Variants in USH2A observed in about 807,000 individuals in gnomAD.
The protein encoded by USH2A is Usher syndrome 2A (autosomal recessive, mild).
Under a neutral mutation model 538.9 loss-of-function variants are expected in USH2A, and 443 were observed. That is an observed-to-expected ratio of 0.82 (90% CI 0.76 to 0.89). The LOEUF is 0.89. Ranked by LOEUF, USH2A falls within the 40% of genes least tolerant of loss-of-function variation. The pLI is 0.00. For synonymous variants in USH2A, 2,413 were observed against 2,273.5 expected, an observed-to-expected ratio of 1.06 and a Z score of -1.75; for missense variants, 6,633 against 6,324.8, an observed-to-expected ratio of 1.05 and a Z score of -1.65.
chr1:215,682,319 G>C (rs999907350), intron 61 of USH2A, among the ~76,000 whole-genome samples: 1 of 152,206 alleles, frequency 6.6e-6, no homozygotes, highest in African/African-American at 2.4e-5. Flanking sequence ...TAAGAAACAT[G>C]AAAAGCATGT....
At chr1:215,791,429 C>T (rs1351845358) in intron 50 of USH2A, among the ~76,000 whole-genome samples, 2 of 152,018 alleles carry the variant, frequency 1.3e-5, no homozygotes, top group Non-Finnish European at 2.9e-5. Context: ...ATCAAAAGTG[C>T]TTTTAAAAAA....
rs1350455774 is a variant in USH2A at position 215,704,058 on chromosome 1, G to A, written c.12067-23682C>T. Among the ~76,000 whole-genome samples, 3 of 152,218 alleles carry A rather than the reference G, an allele frequency of 2.0e-5. No individual in the cohort carries two copies. The East Asian group carries it at 5.8e-4, about 29-fold the overall frequency. ...GCACAGTCCCTCAAGGCTTCCTTTGGCTAGGGGAGGGAGTTCCCCGACCCC... is the reference window on the plus strand; with the variant it reads ...GCACAGTCCCTCAAGGCTTCCTTTGACTAGGGGAGGGAGTTCCCCGACCCC... On this transcript the variant is annotated intron_variant, in intron 61 of 71. Transcript: ENST00000307340.
intron 55 of USH2A, among the ~76,000 whole-genome samples, chr1:215,771,008 T>C (rs1355164971): frequency 1.4e-5 from 2 of 146,590 alleles, no homozygotes; most frequent in East Asian, 2.0e-4. Context: ...ATGCCTGTAG[T>C]CCCAGCTGTT....
chr1:216,210,886 C>T (rs559241609), intron 15 of USH2A, among the ~76,000 whole-genome samples: 58 of 151,988 alleles, frequency 3.8e-4, no homozygotes, highest in Non-Finnish European at 5.6e-4. Flanking sequence ...CAGGCTCAGG[C>T]GGAAGAATCG....
chr1:216,114,330 A>G (rs1420408832), intron 21 of USH2A, among the ~76,000 whole-genome samples: 1 of 152,018 alleles, frequency 6.6e-6, no homozygotes, highest in Non-Finnish European at 1.5e-5. Context: ...TTCAACAGCC[A>G]TAATTCTTTT....
At chr1:215,722,649 G>A (rs527361551) in intron 61 of USH2A, among the ~76,000 whole-genome samples, 10 of 152,304 alleles carry the variant, frequency 6.6e-5, no homozygotes, top group African/African-American at 2.4e-4. Context: ...AGAAACTAGA[G>A]TTAGTAATTC....
intron 3 of USH2A, among the ~76,000 whole-genome samples, chr1:216,378,367 C>T (rs1013520171): frequency 6.6e-6 from 1 of 152,160 alleles, no homozygotes; most frequent in Admixed American, 6.5e-5. Flanking sequence ...ATTAGCATCA[C>T]TTCCATTCTA....
chr1:215,660,458 T>C (rs993896198), intron 64 of USH2A, among the ~76,000 whole-genome samples: 1 of 152,164 alleles, frequency 6.6e-6, no homozygotes, highest in Non-Finnish European at 1.5e-5. Flanking sequence ...TCCAGTTAGT[T>C]GTTACACATT....
chr1:216,370,677 C>CAAAAAAAAAAAAAAAAAAAAAAAA (rs58845914), intron 3 of USH2A, among the ~76,000 whole-genome samples: 2 of 30,000 alleles, frequency 6.7e-5, no homozygotes, highest in African/African-American at 2.2e-4. Context: ...GACTCTGTCT[C>CAAAAAAAAAAAAAAAAAAAAAAAA]AAAAAAAAAA....
intron 20 of USH2A, among the ~76,000 whole-genome samples, chr1:216,187,908 G>A (rs372608272): frequency 1.3e-5 from 2 of 152,028 alleles, no homozygotes; most frequent in South Asian, 2.1e-4. Context: ...GGCAGAGCCC[G>A]GATTGAAACC....
rs1256669126 is a variant in USH2A at position 216,258,260 on chromosome 1, C to A, written c.1972-7162G>T. Among the ~76,000 whole-genome samples the A allele has an allele frequency of 2.0e-5, 3 of 152,050 alleles. No homozygotes were observed. In the South Asian group the frequency reaches 6.2e-4, roughly 31 times the overall value. ...AGGTGGTATTGAAGTAGTTATCAGC[C>A]TAGGGCTATTCTCCACTGTTGAGGC... On this transcript the variant is annotated intron_variant, in intron 11 of 71. Coordinates refer to ENST00000307340, the MANE Select transcript of USH2A (RefSeq NM_206933.4).
chr1:215,671,413 T>A, intron 63 of USH2A, 120 bp from the exon 64 acceptor site: 1 of 1,078,882 alleles, frequency 9.3e-7, no homozygotes, highest in Non-Finnish European at 1.3e-6. Flanking sequence ...TATTCACAGC[T>A]AATTCTTAAG....
At chr1:215,964,141 A>AG (rs1667271767) in intron 37 of USH2A, among the ~76,000 whole-genome samples, 1 of 152,100 alleles carries the variant, frequency 6.6e-6, no homozygotes, top group Admixed American at 6.6e-5. Context: ...ATTAAACACG[A>AG]GGGGGAATAT....
chr1:216,410,326 T>C (rs1431989783), intron 3 of USH2A, among the ~76,000 whole-genome samples: 1 of 152,100 alleles, frequency 6.6e-6, no homozygotes, highest in Non-Finnish European at 1.5e-5. Flanking sequence ...AGAACTACCA[T>C]TATACCCAGC....
At chr1:216,219,004 G>A (rs1165823502) in intron 14 of USH2A, among the ~76,000 whole-genome samples, 1 of 151,902 alleles carries the variant, frequency 6.6e-6, no homozygotes, top group Non-Finnish European at 1.5e-5. Context: ...GTGTGTGTGT[G>A]TGTGTGTATA....
intron 32 of USH2A, among the ~76,000 whole-genome samples, chr1:216,011,471 G>A (rs555628124): frequency 4.6e-5 from 7 of 152,192 alleles, no homozygotes; most frequent in African/African-American, 9.6e-5. Context: ...CCTGCTGATC[G>A]TGTCTGATTA....
intron 22 of USH2A, among the ~76,000 whole-genome samples, chr1:216,091,218 G>A (rs2032293840): frequency 6.6e-6 from 1 of 152,132 alleles, no homozygotes; most frequent in South Asian, 2.1e-4. Flanking sequence ...GAACATATCA[G>A]ACACATTCAA....
chr1:215,845,243 T>C (rs1471248622), intron 45 of USH2A, among the ~76,000 whole-genome samples: 1 of 152,180 alleles, frequency 6.6e-6, no homozygotes, highest in Non-Finnish European at 1.5e-5. Flanking sequence ...GCTCTGCTAA[T>C]GACCTGGAAC....
chr1:216,289,138 GAACAACCATCTCTTTGAAATGC>G, intron 11 of USH2A, 120 bp downstream of exon 11: 1 of 1,273,298 alleles, frequency 7.9e-7, no homozygotes, highest in Non-Finnish European at 1.1e-6. Context: ...AGTTGCACAC[GAACAACCATCTCTTTGAAATGC>G]AAATGCACAT....
Sources: allele counts gnomAD v4.1 joint callset (sites outside exome capture counted in the v4.1 genomes callset), GRCh38; gene constraint gnomAD v4.1.1; transcripts MANE v1.5; gene names NCBI Gene and HGNC (gene_info 2026-07-23, HGNC 2026-07-21).